TBL1X: variants seen among roughly 807,000 people sequenced by gnomAD.
TBL1X encodes F-box-like/WD repeat-containing protein TBL1X.
A neutral mutation model predicts 50.7 loss-of-function variants in TBL1X; 10 were observed. That is an observed-to-expected ratio of 0.20 (90% CI 0.12 to 0.33). The LOEUF (loss-of-function observed/expected upper bound fraction) is 0.33, where lower values mean the gene tolerates loss of function less well. Among genes scored for constraint, TBL1X ranks in the 10% least tolerant of loss-of-function variants. The pLI, the probability that TBL1X is intolerant of heterozygous loss-of-function variation, is 1.00. For missense variants in TBL1X, 340 were observed against 504.4 expected (o/e 0.67, Z 3.12); for synonymous variants, 190 against 214.7 (o/e 0.88, Z 1.01).
chrX:9,566,198 G>A (rs1471226781), intron 2 of TBL1X, among the ~76,000 whole-genome samples: 1 of 111,571 alleles, frequency 9.0e-6, no homozygotes, highest in African/African-American at 3.3e-5. Context: ...GTGTGTTGTG[G>A]GATGTTCCGC....
chrX:9,565,353 G>T (rs143593565), intron 2 of TBL1X, among the ~76,000 whole-genome samples: 1 of 106,582 alleles, frequency 9.4e-6, no homozygotes, highest in African/African-American at 3.4e-5. Context: ...AGTAATATAT[G>T]TGAAATATTG....
At position 9,719,672 on chromosome X, in the gene TBL1X, T is replaced by G. The variant is rs2083298722; in HGVS notation, c.*3426T>G. The G allele has an allele frequency of 8.9e-6, 1 of 112,433 alleles. No individual in the cohort carries two copies. The highest frequency in any genetic ancestry group is 3.2e-5 in the African/African-American group (1 of 30,827). The allele number at this position is 112,433 out of a possible 1,213,427, so 9.3% of individuals were successfully genotyped here. ...AAATCACCTTGTGTGTTGTAGCTCA[T>G]TTGTTTCAAGAGAGAATCAACAGAT... On this transcript the variant is annotated 3_prime_UTR_variant, in exon 18 of 18. Coordinates refer to ENST00000645353, the MANE Select transcript of TBL1X (RefSeq NM_005647.4).
chrX:9,548,444 C>T (rs1301946497), intron 2 of TBL1X, among the ~76,000 whole-genome samples: 1 of 111,609 alleles, frequency 9.0e-6, no homozygotes, highest in Non-Finnish European at 1.9e-5. Context: ...CATTTAAAGG[C>T]CTAATGCTAA....
intron 2 of TBL1X, among the ~76,000 whole-genome samples, chrX:9,606,278 G>T (rs139064151): frequency 8.9e-6 from 1 of 112,044 alleles, no homozygotes; most frequent in African/African-American, 3.2e-5. Context: ...TGCCTGTCAC[G>T]TCTCTCTTTG....
rs1446597995 is a variant in TBL1X, at chrX:9,717,494, A to G, written c.*1248A>G. The G allele has an allele frequency of 1.8e-5, 2 of 112,346 alleles. No homozygotes were observed. The highest frequency in any genetic ancestry group is 6.5e-5 in the African/African-American group (2 of 30,916). 9.3% of individuals were successfully genotyped at this position (112,346 alleles called of 1,213,427 possible). A position where few individuals can be genotyped will look rare whatever the true frequency, so the allele number is the denominator to read the frequency against. On this transcript the variant is annotated 3_prime_UTR_variant, in exon 18 of 18. Transcript: ENST00000645353. ...GCAGCCAGTGAGGGAGGTCCCCGCC[A>G]TGCCGGCTGGAAGAAGAACCTCGCA...
intron 2 of TBL1X, among the ~76,000 whole-genome samples, chrX:9,605,612 G>T (rs1433630078): frequency 8.9e-6 from 1 of 112,385 alleles, no homozygotes; most frequent in Admixed American, 9.4e-5. Flanking sequence ...AAATGCTTAG[G>T]TAAGTGGAGC....
intron 2 of TBL1X, among the ~76,000 whole-genome samples, chrX:9,600,885 C>T (rs767645768): frequency 3.6e-5 from 4 of 111,206 alleles, no homozygotes; most frequent in South Asian, 3.8e-4. Flanking sequence ...GGCTTAAGGA[C>T]GGTGCTGGCG....
At chrX:9,570,375 C>T (rs891607851) in intron 2 of TBL1X, among the ~76,000 whole-genome samples, 3 of 111,708 alleles carry the variant, frequency 2.7e-5, no homozygotes, top group Non-Finnish European at 5.6e-5. Context: ...AGGAATGGGA[C>T]GTGGGGAGCG....
In TBL1X at chrX:9,717,941, A is replaced by G. The variant is rs1470823984; in HGVS notation, c.*1695A>G. On this transcript the variant is annotated 3_prime_UTR_variant, in exon 18 of 18. Transcript: ENST00000645353. ...TTTGCTGTTTTTAAAAAATTAAACAAGGCTTTGTGTTCCTAGAAGAGCTTC... is the reference window on the plus strand; with the variant it reads ...TTTGCTGTTTTTAAAAAATTAAACAGGGCTTTGTGTTCCTAGAAGAGCTTC... The G allele has an allele frequency of 9.0e-6, 1 of 111,728 alleles. No homozygotes were observed. The highest frequency in any genetic ancestry group is 9.5e-5 in the Admixed American group (1 of 10,545). The allele number at this position is 111,728 out of a possible 1,213,427, so 9.2% of individuals were successfully genotyped here. A position where few individuals can be genotyped will look rare whatever the true frequency, so the allele number is the denominator to read the frequency against.
At chrX:9,621,915 A>G (rs991327572) in intron 2 of TBL1X, among the ~76,000 whole-genome samples, 1 of 111,781 alleles carries the variant, frequency 8.9e-6, no homozygotes, top group Non-Finnish European at 1.9e-5. Flanking sequence ...AAAGGCCACA[A>G]CTCTACTGGA....
At chrX:9,533,902 C>T (rs1436464877) in intron 2 of TBL1X, among the ~76,000 whole-genome samples, 1 of 111,204 alleles carries the variant, frequency 9.0e-6, no homozygotes, top group Non-Finnish European at 1.9e-5. Flanking sequence ...ATGCTTGCAC[C>T]CTGGAGAGAC....
At chrX:9,495,294 C>T (rs992961575) in intron 1 of TBL1X, among the ~76,000 whole-genome samples, 3 of 111,102 alleles carry the variant, frequency 2.7e-5, no homozygotes, top group Non-Finnish European at 5.7e-5. Flanking sequence ...TTGTCGAGGG[C>T]GGAGGAGCAG....
intron 2 of TBL1X, chrX:9,560,333 C>T (rs1445799460): frequency 2.7e-5 from 3 of 112,279 alleles, no homozygotes; most frequent in African/African-American, 6.5e-5. Context: ...AGGATACTAC[C>T]GCTGGCACGG....
In TBL1X at chrX:9,609,335, A is replaced by AGGGGTGTG. The variant is rs200761280; in HGVS notation, c.-130-30936_-130-30935insGGTGTGGG. 3.5e-3 allele frequency among the ~76,000 whole-genome samples: 209 copies of AGGGGTGTG among 59,784 alleles called. 2 individuals are homozygous for AGGGGTGTG. The highest frequency in any genetic ancestry group is 4.5e-3 in the Non-Finnish European group (157 of 34,885). 51.9% of individuals were successfully genotyped at this position (59,784 alleles called of 115,157 possible). ...GCATTTTGGTGGTGTGTTTTCTTCC[A>AGGGGTGTG]GGTGTGTGTGTGTGTGTGTGTGTGT... On this transcript the variant is annotated intron_variant, in intron 2 of 17. Transcript: ENST00000645353.
At chrX:9,663,710 G>A (rs1431298494) in intron 5 of TBL1X, among the ~76,000 whole-genome samples, 6 of 100,285 alleles carry the variant, frequency 6.0e-5, no homozygotes, top group Non-Finnish European at 9.9e-5. Context: ...GCTGTGAGCC[G>A]AAATTGCACA....
At chrX:9,524,149 G>A (rs867349465) in intron 2 of TBL1X, among the ~76,000 whole-genome samples, 4 of 109,696 alleles carry the variant, frequency 3.6e-5, no homozygotes, top group Non-Finnish European at 5.7e-5. Flanking sequence ...TGTATTTTTA[G>A]TAGAGACAGG....
chrX:9,551,336 GTTC>G (rs2082270190), intron 2 of TBL1X, among the ~76,000 whole-genome samples: 1 of 110,238 alleles, frequency 9.1e-6, no homozygotes, highest in Non-Finnish European at 1.9e-5. Flanking sequence ...ATGGGGTAGT[GTTC>G]TTTGTACAGT....
intron 2 of TBL1X, among the ~76,000 whole-genome samples, chrX:9,521,525 G>A (rs1398584567): frequency 4.5e-5 from 5 of 111,763 alleles, no homozygotes. Context: ...GAGCTTATTT[G>A]AACTCATTAC....
chrX:9,522,244 T>C (rs142918978), intron 2 of TBL1X, among the ~76,000 whole-genome samples: 1,688 of 110,905 alleles, frequency 0.015, 17 homozygotes, highest in South Asian at 0.042. Context: ...TCTCAAACTC[T>C]TGGTCTCAAG....
Sources: allele counts gnomAD v4.1 joint callset (sites outside exome capture counted in the v4.1 genomes callset), GRCh38; gene constraint gnomAD v4.1.1; transcripts MANE v1.5; gene names NCBI Gene and HGNC (gene_info 2026-07-23, HGNC 2026-07-21).